The following PELI2 variants were observed in gnomAD, a reference collection of about 807,000 sequenced individuals.
PELI2 encodes the protein E3 ubiquitin-protein ligase pellino homolog 2.
Under a neutral mutation model 42.3 loss-of-function variants are expected in PELI2, and 23 were observed. The ratio of observed to expected loss-of-function variants is 0.54; its 90% CI spans 0.39 to 0.77. The LOEUF is 0.77. Ranked by LOEUF, PELI2 falls within the 30% of genes least tolerant of loss-of-function variation. The pLI, the probability that PELI2 is intolerant of heterozygous loss-of-function variation, is 0.00. For missense variants in PELI2, 463 were observed against 553.2 expected, an observed-to-expected ratio of 0.84 and a Z score of 1.64; for synonymous variants, 245 against 212.2, an observed-to-expected ratio of 1.15 and a Z score of -1.34.
intron 1 of PELI2, among the ~76,000 whole-genome samples, chr14:56,139,762 A>G (rs1391002955): frequency 6.6e-6 from 1 of 152,058 alleles, no homozygotes; most frequent in African/African-American, 2.4e-5. Context: ...CACAGATGAA[A>G]GAAAAACTGG....
intron 2 of PELI2, among the ~76,000 whole-genome samples, chr14:56,194,737 G>A (rs1434495668): frequency 2.6e-5 from 4 of 152,138 alleles, no homozygotes; most frequent in South Asian, 2.1e-4. Flanking sequence ...GCAGCCCCAC[G>A]TCCAGAGACT....
At chr14:56,156,321 A>G (rs1476884495) in intron 1 of PELI2, among the ~76,000 whole-genome samples, 2 of 152,090 alleles carry the variant, frequency 1.3e-5, no homozygotes, top group Admixed American at 1.3e-4. Context: ...TTGATGCTGA[A>G]ATGTTTCCTT....
chr14:56,219,286 G>A lies in PELI2; in HGVS notation c.207+40822G>A, dbSNP rs1416301923. 6.6e-6 allele frequency among the ~76,000 whole-genome samples: 1 copy of A among 152,140 alleles called. No homozygotes were observed. Among genetic ancestry groups the A allele is most frequent in the Non-Finnish European group, 1.5e-5 (1 of 68,010 alleles). ...GAAGAAGCTCCCCCGTACAGAGACA[G>A]ATGGGGGCTCCAAAACTGAAAGAGG... On this transcript the variant is annotated intron_variant, in intron 2 of 5. Transcript: ENST00000267460. This position sits in a 1 kb window ranked among gnomAD's most constrained non-coding sequence, Gnocchi z 4.1.
intron 3 of PELI2, among the ~76,000 whole-genome samples, chr14:56,283,546 C>G (rs1889550194): frequency 6.6e-6 from 1 of 152,186 alleles, no homozygotes; most frequent in South Asian, 2.1e-4. Context: ...ATGGCAGGGT[C>G]TCAGGGACCC....
intron 2 of PELI2, among the ~76,000 whole-genome samples, chr14:56,223,178 A>C (rs1257400738): frequency 7.2e-5 from 11 of 152,282 alleles, no homozygotes; most frequent in African/African-American, 2.4e-4. Flanking sequence ...AGCAAATTGC[A>C]CTATTCTCAC....
chr14:56,131,033 G>A (rs1217305980), intron 1 of PELI2, among the ~76,000 whole-genome samples: 1 of 150,338 alleles, frequency 6.7e-6, no homozygotes, highest in Admixed American at 6.6e-5. Context: ...TAACGTCGCT[G>A]TTATGTTGAT....
At chr14:56,216,743 G>A (rs12432184) in intron 2 of PELI2, among the ~76,000 whole-genome samples, 60,869 of 152,042 alleles carry the variant, frequency 0.4, 13,036 homozygotes, top group South Asian at 0.53. Context: ...TTGCTTTCAG[G>A]ATTCATGTCA....
At chr14:56,200,342 G>C (rs1003217141) in intron 2 of PELI2, among the ~76,000 whole-genome samples, 1 of 64,820 alleles carries the variant, frequency 1.5e-5, no homozygotes, top group Admixed American at 2.0e-4. Flanking sequence ...AGTTTCACAA[G>C]GTAGGGCTTT....
At chr14:56,200,063 G>A (rs1217020833) in intron 2 of PELI2, among the ~76,000 whole-genome samples, 2 of 103,180 alleles carry the variant, frequency 1.9e-5, no homozygotes, top group South Asian at 3.7e-4. Context: ...AATACAGGGA[G>A]CAACGATTTA....
intron 1 of PELI2, among the ~76,000 whole-genome samples, chr14:56,174,839 A>T (rs1440753122): frequency 6.6e-6 from 1 of 152,076 alleles, no homozygotes; most frequent in African/African-American, 2.4e-5. Flanking sequence ...TACAACCAGG[A>T]CGTTACAGTC....
At chr14:56,172,057 A>T (rs1403789776) in intron 1 of PELI2, among the ~76,000 whole-genome samples, 3 of 152,230 alleles carry the variant, frequency 2.0e-5, no homozygotes, top group African/African-American at 7.2e-5. Flanking sequence ...GGAGAGGATG[A>T]CTGTGGGAAG....
At chr14:56,178,737 C>T (rs1433979363) in intron 2 of PELI2, among the ~76,000 whole-genome samples, 4 of 152,176 alleles carry the variant, frequency 2.6e-5, no homozygotes, top group Non-Finnish European at 4.4e-5. Context: ...CATTGCAGCC[C>T]GTCTCCTGGG....
intron 2 of PELI2, among the ~76,000 whole-genome samples, chr14:56,238,296 G>A (rs953677750): frequency 1.3e-5 from 2 of 152,220 alleles, no homozygotes; most frequent in Admixed American, 1.3e-4. Context: ...GTCTTTAGGG[G>A]AAGAGATTAA....
At chr14:56,203,272 G>A (rs1424066558) in intron 2 of PELI2, among the ~76,000 whole-genome samples, 3 of 152,110 alleles carry the variant, frequency 2.0e-5, no homozygotes, top group Non-Finnish European at 4.4e-5. Context: ...CCCAGGAAAT[G>A]GAGGTTGCAG....
intron 2 of PELI2, among the ~76,000 whole-genome samples, chr14:56,261,207 G>C (rs918634197): frequency 6.6e-6 from 1 of 152,128 alleles, no homozygotes; most frequent in Non-Finnish European, 1.5e-5. Context: ...CTTTCAGCTT[G>C]CATTAATACT....
intron 1 of PELI2, among the ~76,000 whole-genome samples, chr14:56,149,226 A>T (rs937583467): frequency 5.9e-5 from 9 of 152,202 alleles, no homozygotes; most frequent in Non-Finnish European, 1.2e-4. Flanking sequence ...GTGAAGTTAG[A>T]TGCTAAAATG....
At chr14:56,133,173 A>G (rs76633820) in intron 1 of PELI2, among the ~76,000 whole-genome samples, 1,922 of 152,290 alleles carry the variant, frequency 0.013, 38 homozygotes, top group African/African-American at 0.044. Context: ...TAAACATAAT[A>G]TATGTGCTTC....
chr14:56,147,857 G>T (rs1190905142), intron 1 of PELI2, among the ~76,000 whole-genome samples: 1 of 152,190 alleles, frequency 6.6e-6, no homozygotes, highest in Non-Finnish European at 1.5e-5. Flanking sequence ...TACCCATGTG[G>T]CGTTTTGACC....
In PELI2 at chr14:56,167,700, G is replaced by A. The variant is rs542285401; in HGVS notation, c.78-10635G>A. Among the ~76,000 whole-genome samples the A allele has an allele frequency of 7.9e-5, 12 of 152,276 alleles. No individual in the cohort carries two copies. In the South Asian group the frequency reaches 2.5e-3, roughly 32 times the overall value. On this transcript the variant is annotated intron_variant, in intron 1 of 5. Coordinates refer to ENST00000267460, the MANE Select transcript of PELI2 (RefSeq NM_021255.3). ...TGCCTTATTTAGTTCATTTGGTGAG[G>A]TCATGTTTTCCTGGATCGTGTTGAT...
Sources: allele counts gnomAD v4.1 joint callset (sites outside exome capture counted in the v4.1 genomes callset), GRCh38; gene constraint gnomAD v4.1.1; non-coding constraint Gnocchi (gnomAD v3.1); transcripts MANE v1.5; gene names NCBI Gene and HGNC (gene_info 2026-07-23, HGNC 2026-07-21).